Variants in GPATCH2L observed in about 807,000 individuals in gnomAD.
GPATCH2L encodes the protein G-patch domain containing 2 like.
GPATCH2L carries 31 observed loss-of-function variants against 57.4 expected under a neutral mutation model. The ratio of observed to expected loss-of-function variants is 0.54; its 90% CI spans 0.41 to 0.73. The LOEUF is 0.73. Among genes scored for constraint, GPATCH2L ranks in the 30% least tolerant of loss-of-function variants. The probability of loss-of-function intolerance (pLI) is 0.00; values close to 1 mark genes in which losing one functional copy is unlikely to be tolerated. For synonymous variants in GPATCH2L, 199 were observed against 210.7 expected (o/e 0.94, Z 0.48); for missense variants, 481 against 599.9 (o/e 0.80, Z 2.07).
chr14:76,174,194 G>A (rs890821228), intron 5 of GPATCH2L: 2 of 152,622 alleles, frequency 1.3e-5, no homozygotes, highest in African/African-American at 4.8e-5. Context: ...AGCACCTTCA[G>A]CAGATGAGGA....
chr14:76,191,057 C>T (rs2039944622), intron 8 of GPATCH2L, among the ~76,000 whole-genome samples: 1 of 152,070 alleles, frequency 6.6e-6, no homozygotes, highest in Admixed American at 6.6e-5. Context: ...TGAAATATCT[C>T]GTTACTCTTT....
intron 2 of GPATCH2L, among the ~76,000 whole-genome samples, chr14:76,156,363 T>C (rs1384323153): frequency 1.3e-5 from 2 of 152,380 alleles, no homozygotes; most frequent in East Asian, 3.9e-4. Flanking sequence ...TGTACCTTTC[T>C]TGAGTGGTTT....
At chr14:76,221,697 A>G (rs1358735135) in intron 1 of GPATCH2L, among the ~76,000 whole-genome samples, 1 of 152,218 alleles carries the variant, frequency 6.6e-6, no homozygotes. Flanking sequence ...GGAAATTTAA[A>G]TGCATATTGC....
At chr14:76,176,437 CAT>C (rs2139688143) in intron 5 of GPATCH2L, 184 bp from the exon 6 acceptor site, 2 of 594,292 alleles carry the variant, frequency 3.4e-6, no homozygotes, top group South Asian at 4.2e-5. Context: ...TGTAGGGTAA[CAT>C]GTAATACTTT....
chr14:76,207,324 G>T lies in GPATCH2L; in HGVS notation c.*5473G>T, dbSNP rs989489491. ...GAGCAAGACCCTGTATCAAAAAATAGATAATAAAATAAAAATTGATAAAAA... is the reference window on the plus strand; with the variant it reads ...GAGCAAGACCCTGTATCAAAAAATATATAATAAAATAAAAATTGATAAAAA... On this transcript the variant is annotated 3_prime_UTR_variant, in exon 10 of 10. Coordinates refer to ENST00000261530, the MANE Select transcript of GPATCH2L (RefSeq NM_017926.4). 6.6e-6 allele frequency: 1 copy of T among 152,058 alleles called. No individual in the cohort carries two copies. Among genetic ancestry groups the T allele is most frequent in the South Asian group, 2.1e-4 (1 of 4,816 alleles). 9.4% of individuals were successfully genotyped at this position (152,058 alleles called of 1,614,324 possible).
intron 8 of GPATCH2L, among the ~76,000 whole-genome samples, chr14:76,193,342 G>A (rs1281434251): frequency 2.0e-5 from 3 of 151,816 alleles, no homozygotes; most frequent in African/African-American, 7.3e-5. Context: ...TATCAAACAC[G>A]CAAAATGGTG....
chr14:76,225,247 T>C (rs1004852609), intron 1 of GPATCH2L, among the ~76,000 whole-genome samples: 7 of 152,170 alleles, frequency 4.6e-5, no homozygotes, highest in Non-Finnish European at 8.8e-5. Flanking sequence ...TACCATGTGG[T>C]ATTGGTGCAA....
At chr14:76,225,777 T>C (rs1282290662) in intron 1 of GPATCH2L, among the ~76,000 whole-genome samples, 1 of 152,106 alleles carries the variant, frequency 6.6e-6, no homozygotes, top group Non-Finnish European at 1.5e-5. Flanking sequence ...AACAAACAGA[T>C]GATCCAATGA....
Position 76,154,267 on chromosome 14 carries a change from T to G in GPATCH2L, c.-10-87T>G, listed in dbSNP as rs1006928904. 8.7e-7 allele frequency: 1 copy of G among 1,151,182 alleles called. No individual in the cohort carries two copies. Among genetic ancestry groups the G allele is most frequent in the Non-Finnish European group, 1.2e-6 (1 of 813,164 alleles). The allele number at this position is 1,151,182 out of a possible 1,614,324, so 71.3% of individuals were successfully genotyped here. A position where few individuals can be genotyped will look rare whatever the true frequency, so the allele number is the denominator to read the frequency against. On this transcript the variant is annotated intron_variant, in intron 1 of 9. Transcript: ENST00000261530. The surrounding 1 kb of genome is among the most constrained non-coding windows in gnomAD (Gnocchi z 4.4). ...GACTACCATGATCTGTTTCATCAAA[T>G]TATTCCAAAACAACAGATCCTTTTT...
Position 76,190,166 on chromosome 14 carries a change from C to T in GPATCH2L, c.1194-5712C>T, listed in dbSNP as rs75712886. 7.2e-3 allele frequency among the ~76,000 whole-genome samples: 1,098 copies of T among 151,888 alleles called. 11 individuals carry two copies. Among genetic ancestry groups the T allele is most frequent in the African/African-American group, 0.025 (1,034 of 41,432 alleles). ...TGCCCCAAGGACATAGTGATCTGCC[C>T]GGTTTCCTAAGTAACACTGCAGTTT... On this transcript the variant is annotated intron_variant, in intron 8 of 9. Coordinates refer to ENST00000261530, the MANE Select transcript of GPATCH2L (RefSeq NM_017926.4).
intron 9 of GPATCH2L, among the ~76,000 whole-genome samples, chr14:76,197,772 G>A (rs922722637): frequency 1.3e-5 from 2 of 152,080 alleles, no homozygotes; most frequent in African/African-American, 4.8e-5. Context: ...ATCTGTTATC[G>A]GACTCTTCAC....
At chr14:76,188,210 T>A (rs956381069) in intron 8 of GPATCH2L, among the ~76,000 whole-genome samples, 2 of 152,164 alleles carry the variant, frequency 1.3e-5, no homozygotes, top group Non-Finnish European at 2.9e-5. Flanking sequence ...ATATACTGAT[T>A]TCCTTTCTTT....
In GPATCH2L at chr14:76,202,026, A is replaced by G. The variant is rs962245329; in HGVS notation, c.*175A>G. 1.0e-5 allele frequency: 5 copies of G among 502,400 alleles called. No individual in the cohort carries two copies. The highest frequency in any genetic ancestry group is 2.0e-5 in the African/African-American group (1 of 50,602). 31.1% of individuals were successfully genotyped at this position (502,400 alleles called of 1,614,324 possible). A position where few individuals can be genotyped will look rare whatever the true frequency, so the allele number is the denominator to read the frequency against. ...TTCTCTCAGAAGATCATGTTGTGGG[A>G]ATCTTTTTTTTAAATAGTGAAATAT... is the stretch of plus-strand genomic sequence containing the variant. On this transcript the variant is annotated 3_prime_UTR_variant, in exon 10 of 10. Transcript: ENST00000261530.
intron 8 of GPATCH2L, among the ~76,000 whole-genome samples, chr14:76,183,525 C>T (rs957225046): frequency 5.9e-5 from 9 of 151,840 alleles, no homozygotes; most frequent in African/African-American, 1.2e-4. Context: ...TCTAGTAGCA[C>T]GTATTTATAT....
chr14:76,160,591 A>C (rs1332962984), intron 2 of GPATCH2L, among the ~76,000 whole-genome samples: 1 of 152,238 alleles, frequency 6.6e-6, no homozygotes, highest in Non-Finnish European at 1.5e-5. Context: ...AAAAGCGAAA[A>C]TTAATGAGAA....
At chr14:76,181,042 G>A (rs2039542084) in intron 8 of GPATCH2L, among the ~76,000 whole-genome samples, 193 bp downstream of exon 8, 1 of 152,174 alleles carries the variant, frequency 6.6e-6, no homozygotes, top group Non-Finnish European at 1.5e-5. Context: ...TCCAAGGCTA[G>A]TATGTGATTA....
intron 4 of GPATCH2L, among the ~76,000 whole-genome samples, chr14:76,172,272 G>A (rs1191712517): frequency 1.3e-5 from 2 of 152,148 alleles, no homozygotes; most frequent in Non-Finnish European, 2.9e-5. Flanking sequence ...TGCCATTGCC[G>A]TTTGTGCCAG....
rs186240804 is a variant in GPATCH2L at position 76,177,251 on chromosome 14, G to A, written c.1052+561G>A. ...TGTAGAGACAGAGTTTAGCCATGTT[G>A]TTCAGGCTGGTCTTGAACTCCTGGG... On this transcript the variant is annotated intron_variant, in intron 6 of 9. Transcript: ENST00000261530. Among the ~76,000 whole-genome samples the A allele has an allele frequency of 3.9e-5, 6 of 152,234 alleles. No homozygotes were observed. In the East Asian group the frequency reaches 1.2e-3, roughly 29 times the overall value.
intron 8 of GPATCH2L, among the ~76,000 whole-genome samples, chr14:76,193,197 A>G (rs2040037969): frequency 6.6e-6 from 1 of 152,174 alleles, no homozygotes; most frequent in Non-Finnish European, 1.5e-5. Flanking sequence ...AAACTTTAAC[A>G]TTTTAGTGTA....
Sources: allele counts gnomAD v4.1 joint callset (sites outside exome capture counted in the v4.1 genomes callset), GRCh38; gene constraint gnomAD v4.1.1; non-coding constraint Gnocchi (gnomAD v3.1); transcripts MANE v1.5; gene names NCBI Gene and HGNC (gene_info 2026-07-23, HGNC 2026-07-21).